MCUB: variants seen among roughly 807,000 people sequenced by gnomAD.
MCUB encodes the protein mitochondrial calcium uniporter dominant negative subunit beta.
A neutral mutation model predicts 41.4 loss-of-function variants in MCUB; 46 were observed. The ratio of observed to expected loss-of-function variants is 1.11; its 90% confidence interval spans 0.88 to 1.42. The LOEUF is 1.42. Ranked by LOEUF, MCUB falls within the 40% of genes most tolerant of loss-of-function variation. MCUB has a pLI of 0.00. For synonymous variants in MCUB, 148 were observed against 148.2 expected (o/e 1.00, Z 0.01); for missense variants, 403 against 404.9 (o/e 1.00, Z 0.04).
At chr4:109,647,396 C>CAGTGCCTTCTGCAG (rs1554019314) in intron 1 of MCUB, among the ~76,000 whole-genome samples, 1 of 152,184 alleles carries the variant, frequency 6.6e-6, no homozygotes, top group Non-Finnish European at 1.5e-5. Context: ...CTCCACAGTT[C>CAGTGCCTTCTGCAG]TGCCTTCTGC....
intron 1 of MCUB, among the ~76,000 whole-genome samples, chr4:109,599,148 G>A (rs1343865290): frequency 1.3e-5 from 2 of 152,140 alleles, no homozygotes; most frequent in Non-Finnish European, 1.5e-5. Context: ...ATTGAATATC[G>A]TGGGTTACAG....
chr4:109,614,021 G>T (rs1728074054), intron 1 of MCUB, among the ~76,000 whole-genome samples: 1 of 152,120 alleles, frequency 6.6e-6, no homozygotes, highest in African/African-American at 2.4e-5. Context: ...ATCATGTGTA[G>T]GTTCATGTAT....
At chr4:109,630,676 G>A (rs1198779327) in intron 1 of MCUB, among the ~76,000 whole-genome samples, 1 of 152,054 alleles carries the variant, frequency 6.6e-6, no homozygotes, top group Non-Finnish European at 1.5e-5. Context: ...CTGCCTCCTG[G>A]GTTCAAGCAA....
At chr4:109,651,519 CAT>C (rs1728960645) in intron 1 of MCUB, among the ~76,000 whole-genome samples, 1 of 152,096 alleles carries the variant, frequency 6.6e-6, no homozygotes, top group South Asian at 2.1e-4. Context: ...TATACATATA[CAT>C]ATATATGTCA....
intron 1 of MCUB, among the ~76,000 whole-genome samples, chr4:109,622,522 A>C (rs192811488): frequency 3.7e-4 from 56 of 152,344 alleles, no homozygotes; most frequent in African/African-American, 1.2e-3. Context: ...TTGAAAAGCA[A>C]TTCTGGACTG....
intron 4 of MCUB, among the ~76,000 whole-genome samples, chr4:109,675,060 T>C (rs756132189): frequency 3.3e-5 from 5 of 152,230 alleles, no homozygotes; most frequent in Non-Finnish European, 5.9e-5. Flanking sequence ...ACATGGTATA[T>C]GTATTGTTAT....
intron 1 of MCUB, among the ~76,000 whole-genome samples, chr4:109,658,128 C>G (rs1208986870): frequency 6.6e-6 from 1 of 152,116 alleles, no homozygotes; most frequent in Non-Finnish European, 1.5e-5. Context: ...GTGTCCCACC[C>G]GTACATAATT....
At position 109,573,430 on chromosome 4, in the gene MCUB, G is replaced by A. The variant is rs567686867; in HGVS notation, c.99+12994G>A. Among the ~76,000 whole-genome samples the A allele has an allele frequency of 3.3e-5, 5 of 150,636 alleles. 1 individual carries two copies. Among genetic ancestry groups the A allele is most frequent in the Admixed American group, 2.6e-4 (4 of 15,132 alleles). On this transcript the variant is annotated intron_variant, in intron 1 of 7. Transcript: ENST00000394650. ...ATCGCGCCACCACACTCCAGCCTGA[G>A]CGACAGAGTGAGACTCCATCTCAAA...
intron 1 of MCUB, among the ~76,000 whole-genome samples, chr4:109,610,607 T>C (rs1213829390): frequency 2.0e-5 from 3 of 152,318 alleles, no homozygotes; most frequent in Admixed American, 6.5e-5. Context: ...TGTAAAGTTA[T>C]GTGAGATGTA....
intron 1 of MCUB, among the ~76,000 whole-genome samples, chr4:109,573,296 C>G (rs1409820287): frequency 6.6e-6 from 1 of 151,840 alleles, no homozygotes; most frequent in Non-Finnish European, 1.5e-5. Flanking sequence ...ACTAAAAATA[C>G]AAAAAAATTA....
intron 4 of MCUB, among the ~76,000 whole-genome samples, chr4:109,674,370 G>A (rs1426182549): frequency 6.6e-6 from 1 of 152,158 alleles, no homozygotes; most frequent in African/African-American, 2.4e-5. Flanking sequence ...TGCACTTGAT[G>A]GTGTTGAAAT....
chr4:109,582,551 A>T (rs995977873), intron 1 of MCUB, among the ~76,000 whole-genome samples: 25 of 80,584 alleles, frequency 3.1e-4, no homozygotes, highest in Non-Finnish European at 4.8e-4. Context: ...AAAAAAAATC[A>T]CAGTTTAACA....
At chr4:109,597,726 CG>C (rs1387937917) in intron 1 of MCUB, among the ~76,000 whole-genome samples, 5 of 138,134 alleles carry the variant, frequency 3.6e-5, no homozygotes, top group Admixed American at 1.4e-4. Flanking sequence ...GCTGGCCGGG[CG>C]GGGGGCTGAC....
At chr4:109,623,677 A>G (rs1301566630) in intron 1 of MCUB, among the ~76,000 whole-genome samples, 1 of 152,168 alleles carries the variant, frequency 6.6e-6, no homozygotes, top group East Asian at 1.9e-4. Context: ...CCTAATTTAC[A>G]ACTCAGGGAA....
At chr4:109,671,753 T>G (rs966807184) in intron 4 of MCUB, among the ~76,000 whole-genome samples, 6 of 152,218 alleles carry the variant, frequency 3.9e-5, no homozygotes, top group Non-Finnish European at 8.8e-5. Flanking sequence ...AAACTGTGGT[T>G]GTTGTTGTTT....
chr4:109,625,797 C>T (rs1223933806), intron 1 of MCUB, among the ~76,000 whole-genome samples: 2 of 152,084 alleles, frequency 1.3e-5, no homozygotes, highest in Non-Finnish European at 2.9e-5. Context: ...AGAGAGGATA[C>T]AGGGTGAGGT....
intron 1 of MCUB, among the ~76,000 whole-genome samples, chr4:109,626,245 A>C (rs1728356788): frequency 6.6e-6 from 1 of 152,168 alleles, no homozygotes; most frequent in Non-Finnish European, 1.5e-5. Flanking sequence ...GATATGTGGA[A>C]GATTTTTCTG....
chr4:109,687,427 C>T (rs996361736), intron 7 of MCUB, 88 bp from the exon 8 acceptor site: 32 of 869,098 alleles, frequency 3.7e-5, no homozygotes, highest in South Asian at 2.5e-4. Flanking sequence ...TGTAAGGAGA[C>T]GCTAAGTTTA....
intron 1 of MCUB, among the ~76,000 whole-genome samples, chr4:109,637,397 G>A (rs1018757210): frequency 6.6e-6 from 1 of 152,178 alleles, no homozygotes; most frequent in African/African-American, 2.4e-5. Flanking sequence ...CTTTATACAA[G>A]TATCTACCCA....
Sources: gnomAD v4.1 joint callset for allele counts (sites outside exome capture counted in the v4.1 genomes callset) on GRCh38, gnomAD v4.1.1 for gene constraint, MANE v1.5 for transcripts, NCBI Gene and HGNC (gene_info 2026-07-23, HGNC 2026-07-21) for gene names.